NLRP5: variants seen among roughly 807,000 people sequenced by gnomAD.
NLRP5 encodes the protein NLR family pyrin domain containing 5, also known as NACHT, LRR and PYD domains-containing protein 5.
A neutral mutation model predicts 113.1 loss-of-function variants in NLRP5; 93 were observed. That is an observed-to-expected ratio of 0.82 (90% CI 0.70 to 0.98). The LOEUF (loss-of-function observed/expected upper bound fraction) is 0.98, where lower values mean the gene tolerates loss of function less well. NLRP5 is among the 50% of genes least tolerant of loss of function. NLRP5 has a pLI of 0.00. For synonymous variants in NLRP5, 751 were observed against 600.7 expected, an observed-to-expected ratio of 1.25 and a Z score of -3.66; for missense variants, 1,808 against 1,514.3, an observed-to-expected ratio of 1.19 and a Z score of -3.22.
At chr19:55,990,092 T>TC in the NLRP5 span, among the ~76,000 whole-genome samples, 2 of 72,450 alleles carry the variant, frequency 2.8e-5, no homozygotes, top group African/African-American at 6.3e-5. Context: ...TTTTTTTTTT[T>TC]TTTTTTTTTT....
chr19:55,998,308 A>G (rs144168597), upstream of NLRP5, among the ~76,000 whole-genome samples: 215 of 152,246 alleles, frequency 1.4e-3, no homozygotes, highest in African/African-American at 4.4e-3. Context: ...ATGGTGAGCT[A>G]TGATAGTCAC....
upstream of NLRP5, among the ~76,000 whole-genome samples, chr19:55,998,053 TACAC>T (rs1317180388): frequency 1.3e-5 from 2 of 152,098 alleles, no homozygotes; most frequent in Non-Finnish European, 2.9e-5. Context: ...CATGGTAGCA[TACAC>T]ACACACAGAA....
chr19:55,999,850 C>T (rs780114131), intron 1 of NLRP5: 49 of 1,228,266 alleles, frequency 4.0e-5, no homozygotes, highest in East Asian at 1.4e-4. Context: ...CCATGACACA[C>T]GGATCGAATC....
At chr19:56,035,665 T>A (rs970489542) in intron 9 of NLRP5, among the ~76,000 whole-genome samples, 2 of 152,214 alleles carry the variant, frequency 1.3e-5, no homozygotes, top group African/African-American at 4.8e-5. Flanking sequence ...ATTTACCTTC[T>A]CATAACTCAC....
In NLRP5 at chr19:56,021,581, A is replaced by G. The variant is rs568750649; in HGVS notation, c.679+1150A>G. On this transcript the variant is annotated intron_variant, in intron 6 of 14. Coordinates refer to ENST00000390649, the MANE Select transcript of NLRP5 (RefSeq NM_153447.4). ...ATGTAGATGGAATCATATGATATGT[A>G]GTTTTCTGTGACTGGCCATGTTTCA... is the stretch of plus-strand genomic sequence containing the variant. Among the ~76,000 whole-genome samples the G allele has an allele frequency of 4.6e-5, 7 of 152,274 alleles. No homozygotes were observed. The South Asian group carries it at 1.5e-3, about 32-fold the overall frequency.
rs1333533573 is a variant in NLRP5, at chr19:56,024,577, A to G, written c.680-2336A>G. Among the ~76,000 whole-genome samples the G allele has an allele frequency of 1.5e-5, 2 of 132,120 alleles. 1 individual carries two copies. The highest frequency in any genetic ancestry group is 1.5e-4 in the Admixed American group (2 of 13,138). The allele number at this position is 132,120 out of a possible 152,430, so 86.7% of individuals were successfully genotyped here. ...TGTATATATGTATATATACACATATATATACATACACACACACACACACAC... is the reference window on the plus strand; with the variant it reads ...TGTATATATGTATATATACACATATGTATACATACACACACACACACACAC... On this transcript the variant is annotated intron_variant, in intron 6 of 14. Coordinates refer to ENST00000390649, the MANE Select transcript of NLRP5 (RefSeq NM_153447.4).
intron 13 of NLRP5, among the ~76,000 whole-genome samples, chr19:56,057,834 T>C (rs545073813): frequency 6.6e-6 from 1 of 152,068 alleles, no homozygotes; most frequent in South Asian, 2.1e-4. Context: ...AAGACCAACC[T>C]GGCCAACATG....
At chr19:56,057,443 T>C (rs143916750) in intron 13 of NLRP5, among the ~76,000 whole-genome samples, 1 of 152,328 alleles carries the variant, frequency 6.6e-6, no homozygotes, top group African/African-American at 2.4e-5. Context: ...CTGGGACTCT[T>C]TTCTAGCCAT....
chr19:56,043,868 C>T (rs1420965354), intron 11 of NLRP5, among the ~76,000 whole-genome samples: 12 of 151,612 alleles, frequency 7.9e-5, no homozygotes, highest in East Asian at 2.0e-4. Flanking sequence ...TGAGCCACCA[C>T]GCCTGGCCTC....
At chr19:56,005,126 A>T (rs1981813348) in intron 2 of NLRP5, among the ~76,000 whole-genome samples, 1 of 142,324 alleles carries the variant, frequency 7.0e-6, no homozygotes, top group Non-Finnish European at 1.5e-5. Context: ...ATATATATAT[A>T]ATATATACAC....
chr19:56,031,075 AAGGTATACACTCAGACACG>A (rs1983093726), intron 7 of NLRP5, among the ~76,000 whole-genome samples: 5 of 85,148 alleles, frequency 5.9e-5, no homozygotes, highest in Non-Finnish European at 1.6e-4. Context: ...CAAACGTGGG[AAGGTATACACTCAGACACG>A]TGGGAAGGTA....
chr19:56,011,842 C>T (rs1053719662), intron 3 of NLRP5, among the ~76,000 whole-genome samples: 4 of 151,856 alleles, frequency 2.6e-5, no homozygotes, highest in African/African-American at 7.3e-5. Flanking sequence ...CACACGCGCG[C>T]CACCGTGCCT....
intron 9 of NLRP5, among the ~76,000 whole-genome samples, chr19:56,034,731 G>T (rs61302387): frequency 1.3e-5 from 2 of 152,082 alleles, no homozygotes; most frequent in East Asian, 1.9e-4. Flanking sequence ...AAGCAGTCAA[G>T]TGTTACACAC....
intron 10 of NLRP5, among the ~76,000 whole-genome samples, chr19:56,040,237 GT>G (rs1462743444): frequency 1.3e-5 from 2 of 152,046 alleles, no homozygotes; most frequent in Non-Finnish European, 2.9e-5. Context: ...ACAAACCACG[GT>G]GCCCGCCCTA....
chr19:56,040,760 G>A (rs1335704825), intron 10 of NLRP5, among the ~76,000 whole-genome samples, 162 bp from the exon 11 acceptor site: 1 of 152,140 alleles, frequency 6.6e-6, no homozygotes, highest in Non-Finnish European at 1.5e-5. Flanking sequence ...CACTGGAGTT[G>A]AGTTTGCAAG....
intron 3 of NLRP5, among the ~76,000 whole-genome samples, chr19:56,012,369 C>A (rs959556578): frequency 6.6e-6 from 1 of 150,410 alleles, no homozygotes; most frequent in South Asian, 2.1e-4. Flanking sequence ...AGGCTGCCTT[C>A]GAACTCCTGA....
chr19:56,055,597 G>A (rs1268082294), intron 13 of NLRP5, among the ~76,000 whole-genome samples: 1 of 125,090 alleles, frequency 8.0e-6, no homozygotes, highest in East Asian at 2.4e-4. Flanking sequence ...CCAGGCTGGA[G>A]TGCAGTGGCG....
intron 11 of NLRP5, among the ~76,000 whole-genome samples, chr19:56,046,784 G>C (rs1432404623): frequency 6.6e-6 from 1 of 152,082 alleles, no homozygotes; most frequent in African/African-American, 2.4e-5. Context: ...TGCCCGCCTC[G>C]GCCTCCCAAA....
chr19:56,046,424 T>TGTGTGTGTGTGTGTG (rs1312407586), intron 11 of NLRP5, among the ~76,000 whole-genome samples: 4 of 72,632 alleles, frequency 5.5e-5, no homozygotes, highest in Non-Finnish European at 1.4e-4. Flanking sequence ...GTGTGTGTGT[T>TGTGTGTGTGTGTGTG]TCTGTTACGT....
Sources: gnomAD v4.1 joint callset for allele counts (sites outside exome capture counted in the v4.1 genomes callset) on GRCh38, gnomAD v4.1.1 for gene constraint, MANE v1.5 for transcripts, NCBI Gene and HGNC (gene_info 2026-07-23, HGNC 2026-07-21) for gene names.